The following JAZF1 variants were observed in gnomAD, a reference collection of about 807,000 sequenced individuals.
The protein encoded by JAZF1 is juxtaposed with another zinc finger protein 1.
In JAZF1, 8 loss-of-function variants were observed where a neutral mutation model predicts 26.4. The ratio of observed to expected loss-of-function variants is 0.30; its 90% CI spans 0.18 to 0.55. The LOEUF is 0.55. Ranked by LOEUF, JAZF1 falls within the 20% of genes least tolerant of loss-of-function variation. JAZF1 has a pLI of 0.94. For synonymous variants in JAZF1, 126 were observed against 122.3 expected (o/e 1.03, Z -0.20); for missense variants, 199 against 322.0 (o/e 0.62, Z 2.92).
rs1050605377 is a variant in JAZF1, at chr7:27,898,458, C to T, written c.189-3042G>A. Among the ~76,000 whole-genome samples the T allele has an allele frequency of 1.3e-4, 20 of 151,770 alleles. 1 individual carries two copies. On this transcript the variant is annotated intron_variant, in intron 2 of 4. Transcript: ENST00000283928. ...ATAACTGGGACTACAAGTGCCACCA[C>T]CATGCCCAGCTAATTTTTGTATTTT...
At chr7:27,907,301 TAATACTC>T (rs986810751) in intron 2 of JAZF1, among the ~76,000 whole-genome samples, 22 of 152,346 alleles carry the variant, frequency 1.4e-4, no homozygotes, top group African/African-American at 4.8e-4. Flanking sequence ...TGGCTCCACA[TAATACTC>T]AATATATGTT....
At chr7:27,837,595 G>C (rs1168743742) in intron 4 of JAZF1, among the ~76,000 whole-genome samples, 2 of 152,184 alleles carry the variant, frequency 1.3e-5, no homozygotes, top group Non-Finnish European at 1.5e-5. Flanking sequence ...ATGAGAACTT[G>C]ACCTATGAGG....
At chr7:28,109,685 A>T (rs1048723173) in intron 1 of JAZF1, among the ~76,000 whole-genome samples, 1 of 152,250 alleles carries the variant, frequency 6.6e-6, no homozygotes, top group Non-Finnish European at 1.5e-5. Flanking sequence ...AGAGCTAGTG[A>T]ATGGCTGAAC....
At chr7:27,910,728 G>T (rs1016731458) in intron 2 of JAZF1, among the ~76,000 whole-genome samples, 3 of 152,168 alleles carry the variant, frequency 2.0e-5, no homozygotes, top group Non-Finnish European at 1.5e-5. Context: ...ATGCAGGAAT[G>T]GTCCACAGCA....
chr7:28,051,703 G>A (rs921087411), intron 1 of JAZF1, among the ~76,000 whole-genome samples: 2 of 151,880 alleles, frequency 1.3e-5, no homozygotes, highest in Non-Finnish European at 2.9e-5. Flanking sequence ...AATGTCCTGG[G>A]GTTCATATGC....
At chr7:28,051,627 T>G (rs1017801277) in intron 1 of JAZF1, among the ~76,000 whole-genome samples, 1 of 152,086 alleles carries the variant, frequency 6.6e-6, no homozygotes, top group Non-Finnish European at 1.5e-5. Flanking sequence ...ATACCCCTCA[T>G]CTGTTTCACT....
intron 2 of JAZF1, among the ~76,000 whole-genome samples, chr7:27,922,856 C>T (rs969511215): frequency 6.6e-6 from 1 of 152,168 alleles, no homozygotes; most frequent in African/African-American, 2.4e-5. Context: ...GTTCCTCACC[C>T]TGGCAGTAAA....
At chr7:27,982,904 A>T (rs950290520) in intron 2 of JAZF1, among the ~76,000 whole-genome samples, 1 of 152,162 alleles carries the variant, frequency 6.6e-6, no homozygotes, top group African/African-American at 2.4e-5. Flanking sequence ...GAAAACTAAC[A>T]AACAGAAAGG....
At chr7:28,023,321 C>G (rs561035614) in intron 1 of JAZF1, among the ~76,000 whole-genome samples, 11 of 152,324 alleles carry the variant, frequency 7.2e-5, no homozygotes, top group African/African-American at 2.6e-4. Flanking sequence ...TAAGCCTTTG[C>G]TCTTATGGAC....
intron 2 of JAZF1, among the ~76,000 whole-genome samples, chr7:27,931,031 T>C (rs1029193267): frequency 2.6e-5 from 4 of 152,236 alleles, no homozygotes; most frequent in Non-Finnish European, 5.9e-5. Context: ...GGCCAAGTCC[T>C]TTCTGTAAAT....
intron 1 of JAZF1, among the ~76,000 whole-genome samples, chr7:27,996,357 G>A (rs73091007): frequency 0.045 from 6,873 of 152,278 alleles, 202 homozygotes; most frequent in Middle Eastern, 0.075. Flanking sequence ...TTGAGAACTT[G>A]TTCAAATTCG....
chr7:27,936,950 C>A (rs933053005), intron 2 of JAZF1, among the ~76,000 whole-genome samples: 2 of 152,188 alleles, frequency 1.3e-5, no homozygotes, highest in East Asian at 3.8e-4. Context: ...TTAAGTATCC[C>A]ATTACACAGC....
At chr7:28,034,723 T>C (rs1238958944) in intron 1 of JAZF1, among the ~76,000 whole-genome samples, 1 of 152,170 alleles carries the variant, frequency 6.6e-6, no homozygotes, top group African/African-American at 2.4e-5. Flanking sequence ...ACAAGTCTTT[T>C]GAATTAAAAT....
intron 1 of JAZF1, among the ~76,000 whole-genome samples, chr7:28,048,901 A>G (rs1010635967): frequency 3.7e-4 from 57 of 152,134 alleles, no homozygotes; most frequent in African/African-American, 1.3e-3. Flanking sequence ...GCCAGACACC[A>G]AAGGCCCCAT....
intron 4 of JAZF1, among the ~76,000 whole-genome samples, chr7:27,838,841 G>A (rs943745455): frequency 1.3e-5 from 2 of 152,128 alleles, no homozygotes; most frequent in South Asian, 2.1e-4. Flanking sequence ...GGAAACTCAC[G>A]CTTCCCTCGT....
At chr7:27,996,885 A>G (rs1023900124) in intron 1 of JAZF1, among the ~76,000 whole-genome samples, 3 of 152,202 alleles carry the variant, frequency 2.0e-5, no homozygotes. Flanking sequence ...ACACTGATCT[A>G]TTATTTTTAT....
chr7:28,066,260 T>C (rs184714168), intron 1 of JAZF1, among the ~76,000 whole-genome samples: 5 of 152,146 alleles, frequency 3.3e-5, no homozygotes, highest in African/African-American at 1.2e-4. Context: ...AAAAGAACAC[T>C]GGAAAGGCTC....
At position 27,924,862 on chromosome 7, in the gene JAZF1, A is replaced by G. The variant is rs541303600; in HGVS notation, c.189-29446T>C. On this transcript the variant is annotated intron_variant, in intron 2 of 4. Coordinates refer to ENST00000283928, the MANE Select transcript of JAZF1 (RefSeq NM_175061.4). The stretch of plus-strand genomic sequence containing the variant: ...GACAATGGTGAGTTAGTTTCTCTGT[A>G]AGTAAGCACAAGTCTAGCATCCCTT... Among the ~76,000 whole-genome samples, 105 of 152,344 alleles carry G rather than the reference A, an allele frequency of 6.9e-4. 1 individual carries two copies. The highest frequency in any genetic ancestry group is 2.4e-3 in the African/African-American group (100 of 41,574).
At chr7:27,961,020 A>G (rs575211427) in intron 2 of JAZF1, among the ~76,000 whole-genome samples, 1 of 152,358 alleles carries the variant, frequency 6.6e-6, no homozygotes, top group African/African-American at 2.4e-5. Context: ...CTTCATCAAA[A>G]TGGAAACACA....
Sources: gnomAD v4.1 joint callset for allele counts (sites outside exome capture counted in the v4.1 genomes callset) on GRCh38, gnomAD v4.1.1 for gene constraint, MANE v1.5 for transcripts, NCBI Gene and HGNC (gene_info 2026-07-23, HGNC 2026-07-21) for gene names.